Variants in UCHL3 observed in about 807,000 individuals in gnomAD.
UCHL3 encodes ubiquitin carboxyl-terminal hydrolase isozyme L3.
A neutral mutation model predicts 35.8 loss-of-function variants in UCHL3; 22 were observed. That is an observed-to-expected ratio of 0.61 (90% confidence interval 0.44 to 0.88). The LOEUF (loss-of-function observed/expected upper bound fraction) is 0.88. Among genes scored for constraint, UCHL3 ranks in the 40% least tolerant of loss-of-function variants. The pLI is 0.00. For missense variants in UCHL3, 229 were observed against 276.9 expected (o/e 0.83, Z 1.23); for synonymous variants, 90 against 92.8 (o/e 0.97, Z 0.17).
chr13:75,581,409 G>A (rs748455544), intron 6 of UCHL3, among the ~76,000 whole-genome samples: 36 of 151,254 alleles, frequency 2.4e-4, no homozygotes, highest in Non-Finnish European at 1.3e-4. Flanking sequence ...CAGTGCAGTG[G>A]GTCGATCTTG....
chr13:75,567,300 G>A lies in UCHL3; in HGVS notation c.414G>A (p.Leu138=), dbSNP rs377416621. 9 of 1,613,954 alleles carry A rather than the reference G, an allele frequency of 5.6e-6. No individual in the cohort carries two copies. The African/African-American group carries it at 1.2e-4, about 22-fold the overall frequency. Residue 138 remains leucine (L), a synonymous_variant, in exon 5 of 9, where the codon CTG becomes CTA. Transcript: ENST00000377595. ...SMSPEERARY[L]ENYDAIRVTH... ...GCCCTGAAGAACGAGCCAGATACCT[G>A]GAGAACTATGATGTCGGTACCTTCT...
At chr13:75,604,873 C>CT in intron 8 of UCHL3, 46 bp downstream of exon 8, 1 of 1,499,270 alleles carries the variant, frequency 6.7e-7, no homozygotes, top group Non-Finnish European at 9.1e-7. Context: ...ATTTTGTCAT[C>CT]TTTAAAACAT....
chr13:75,593,190 G>C (rs1225188988), intron 6 of UCHL3, among the ~76,000 whole-genome samples: 1 of 152,036 alleles, frequency 6.6e-6, no homozygotes, highest in African/African-American at 2.4e-5. Flanking sequence ...ATGAGTAAAA[G>C]GAAGACTCTT....
chr13:75,600,661 C>T (rs1024537305), intron 7 of UCHL3, among the ~76,000 whole-genome samples: 5 of 152,188 alleles, frequency 3.3e-5, no homozygotes, highest in African/African-American at 1.2e-4. Context: ...TGCTAATTGA[C>T]AATGCACCTT....
chr13:75,595,915 ACTTCTT>A (rs1042694413), intron 7 of UCHL3, among the ~76,000 whole-genome samples: 2 of 151,946 alleles, frequency 1.3e-5, no homozygotes, highest in Non-Finnish European at 1.5e-5. Context: ...ACTTATTATG[ACTTCTT>A]CTTATTCTTT....
chr13:75,598,298 G>C lies in UCHL3; in HGVS notation c.550+3308G>C, dbSNP rs9543990. Among the ~76,000 whole-genome samples, 838 of 152,144 alleles carry C rather than the reference G, an allele frequency of 5.5e-3. 7 individuals carry two copies. Among genetic ancestry groups the C allele is most frequent in the African/African-American group, 0.018 (748 of 41,446 alleles). On this transcript the variant is annotated intron_variant, in intron 7 of 8. Transcript: ENST00000377595. ...GATGCCCCATTATCTTTAAAACTTC[G>C]GTGTGTATTTTCTCAAAACAAGTGG...
At chr13:75,587,810 A>C (rs903935430) in intron 6 of UCHL3, among the ~76,000 whole-genome samples, 7 of 152,160 alleles carry the variant, frequency 4.6e-5, no homozygotes, top group Admixed American at 3.3e-4. Flanking sequence ...TGGAGTAAGC[A>C]ACCTTAAGGG....
At chr13:75,590,936 A>T (rs756472159) in intron 6 of UCHL3, among the ~76,000 whole-genome samples, 1 of 152,236 alleles carries the variant, frequency 6.6e-6, no homozygotes, top group Non-Finnish European at 1.5e-5. Context: ...TTAAGCAACT[A>T]CAGCTCTTGT....
chr13:75,554,206 C>G (rs1043128308), intron 2 of UCHL3, among the ~76,000 whole-genome samples: 2 of 152,122 alleles, frequency 1.3e-5, no homozygotes, highest in African/African-American at 4.8e-5. Flanking sequence ...AGGATACAAG[C>G]TTGCACCATC....
intron 6 of UCHL3, among the ~76,000 whole-genome samples, chr13:75,571,354 A>G (rs769752415): frequency 3.9e-5 from 6 of 152,138 alleles, no homozygotes; most frequent in Admixed American, 6.5e-5. Flanking sequence ...TTTCAGACCT[A>G]ACCGCCTTCA....
At chr13:75,550,529 T>C (rs867021280) in intron 2 of UCHL3, among the ~76,000 whole-genome samples, 18 of 152,152 alleles carry the variant, frequency 1.2e-4, no homozygotes, top group Non-Finnish European at 2.5e-4. Flanking sequence ...ATTTAGTTGC[T>C]GTTGTATCAA....
chr13:75,592,505 T>A (rs553013326), intron 6 of UCHL3, among the ~76,000 whole-genome samples: 170 of 127,728 alleles, frequency 1.3e-3, no homozygotes, highest in African/African-American at 4.1e-3. Flanking sequence ...TTTTTTTTTT[T>A]TTTGCCCTTT....
intron 6 of UCHL3, among the ~76,000 whole-genome samples, chr13:75,570,750 A>T (rs1490776568): frequency 6.6e-6 from 1 of 152,180 alleles, no homozygotes; most frequent in Non-Finnish European, 1.5e-5. Flanking sequence ...CTCTACAAAG[A>T]GTAATAAAAA....
At chr13:75,592,448 A>ACATATATATATATGTATATATGTG (rs74201049) in intron 6 of UCHL3, among the ~76,000 whole-genome samples, 1 of 116,644 alleles carries the variant, frequency 8.6e-6, no homozygotes, top group Non-Finnish European at 1.8e-5. Context: ...ATATATATAT[A>ACATATATATATATGTATATATGTG]TATATATATA....
intron 3 of UCHL3, among the ~76,000 whole-genome samples, chr13:75,563,142 T>C (rs1417988177): frequency 7.5e-6 from 1 of 133,292 alleles, no homozygotes; most frequent in Non-Finnish European, 1.8e-5. Flanking sequence ...TATGTATGTA[T>C]GTATGTATGT....
intron 6 of UCHL3, among the ~76,000 whole-genome samples, chr13:75,588,391 C>T (rs1209409948): frequency 6.6e-6 from 1 of 152,000 alleles, no homozygotes; most frequent in Non-Finnish European, 1.5e-5. Context: ...TTTCTTCTTC[C>T]CCTATTCTTT....
chr13:75,559,074 C>G (rs1339958279), intron 2 of UCHL3, among the ~76,000 whole-genome samples: 1 of 111,612 alleles, frequency 9.0e-6, no homozygotes, highest in African/African-American at 3.5e-5. Flanking sequence ...GAGTCTGGCT[C>G]TGTAGCCCAG....
chr13:75,576,301 C>G (rs1437738936), intron 6 of UCHL3, among the ~76,000 whole-genome samples: 1 of 152,200 alleles, frequency 6.6e-6, no homozygotes, highest in Non-Finnish European at 1.5e-5. Flanking sequence ...GCAATCTCTG[C>G]TCACTGCAAC....
At chr13:75,574,377 T>C (rs2031958942) in intron 6 of UCHL3, among the ~76,000 whole-genome samples, 1 of 152,216 alleles carries the variant, frequency 6.6e-6, no homozygotes, top group Non-Finnish European at 1.5e-5. Context: ...TTGTTTATTC[T>C]GCTAACTAGA....
Sources: gnomAD v4.1 joint callset for allele counts (sites outside exome capture counted in the v4.1 genomes callset) on GRCh38, gnomAD v4.1.1 for gene constraint, MANE v1.5 for transcripts, NCBI Gene and HGNC (gene_info 2026-07-23, HGNC 2026-07-21) for gene names.